The following ZNF555 variants were observed in gnomAD, a reference collection of about 807,000 sequenced individuals.
ZNF555 encodes the protein zinc finger protein 555.
In ZNF555, 10 loss-of-function variants were observed where a neutral mutation model predicts 14.0. The observed-to-expected ratio is 0.72, with a 90% CI of 0.44 to 1.21. ZNF555 has a LOEUF of 1.21. ZNF555 is among the 50% of genes most tolerant of loss of function. The pLI, the probability that ZNF555 is intolerant of heterozygous loss-of-function variation, is 0.00. For missense variants in ZNF555, 747 were observed against 762.0 expected, an observed-to-expected ratio of 0.98 and a Z score of 0.23; for synonymous variants, 277 against 262.4, an observed-to-expected ratio of 1.06 and a Z score of -0.54.
chr19:2,843,127 C>G (rs1415034982), intron 1 of ZNF555, among the ~76,000 whole-genome samples: 3 of 151,726 alleles, frequency 2.0e-5, no homozygotes, highest in African/African-American at 7.3e-5. Context: ...TAAACATTCC[C>G]TGGAGTGTGT....
In ZNF555 at chr19:2,857,425, T is replaced by C. The variant is rs1469248023; in HGVS notation, c.*3473T>C. The C allele has an allele frequency of 6.6e-6, 1 of 152,216 alleles. No individual in the cohort carries two copies. The highest frequency in any genetic ancestry group is 1.9e-4 in the East Asian group (1 of 5,206). 9.4% of individuals were successfully genotyped at this position (152,216 alleles called of 1,614,324 possible). On this transcript the variant is annotated 3_prime_UTR_variant, in exon 4 of 4. Transcript: ENST00000334241. ...AAGCAAGTATAATTAATTTTACAAA[T>C]AGGGCATCAAATTTTACAAAGACTC... is the stretch of plus-strand genomic sequence containing the variant.
At chr19:2,850,760 A>C in intron 2 of ZNF555, 47 bp downstream of exon 2, 7 of 1,607,648 alleles carry the variant, frequency 4.4e-6, no homozygotes, top group Non-Finnish European at 6.0e-6. Flanking sequence ...TGAGAGAACA[A>C]GTATTTCTTA....
At chr19:2,849,636 C>G (rs1461503841) in intron 1 of ZNF555, among the ~76,000 whole-genome samples, 2 of 151,622 alleles carry the variant, frequency 1.3e-5, no homozygotes, top group Non-Finnish European at 2.9e-5. Flanking sequence ...AGGCGTGCAC[C>G]ACCATGCCCG....
chr19:2,852,682 G>C lies in ZNF555; in HGVS notation c.617G>C (p.Gly206Ala). ...AGACCCTATGTGTGTAAATTATGTG[G>C]GAAAACCTTTCCTCGTACTTCCTCC... ...GERPYVCKLC[G>A]KTFPRTSSLN... Residue 206 changes from glycine (G) to alanine (A), a missense_variant, in exon 4 of 4, where the codon GGG becomes GCG. By Grantham distance (60) the Gly-to-Ala change is moderately conservative (BLOSUM62 0). Transcript: ENST00000334241. 1.2e-6 allele frequency: 2 copies of C among 1,614,130 alleles called. No homozygotes were observed. The highest frequency in any genetic ancestry group is 1.7e-6 in the Non-Finnish European group (2 of 1,180,020).
rs2087676954 is a variant in ZNF555, at chr19:2,855,611, C to T, written c.*1659C>T. On this transcript the variant is annotated 3_prime_UTR_variant, in exon 4 of 4. Coordinates refer to ENST00000334241, the MANE Select transcript of ZNF555 (RefSeq NM_152791.5). The stretch of plus-strand genomic sequence containing the variant: ...TGCTTTCAAATTAGTTGTTTAGAGA[C>T]TATATTAATTTCCCAGGGCTGCCAT... The T allele has an allele frequency of 6.6e-6, 1 of 152,076 alleles. No individual in the cohort carries two copies. Among genetic ancestry groups the T allele is most frequent in the Admixed American group, 6.6e-5 (1 of 15,256 alleles). 9.4% of individuals were successfully genotyped at this position (152,076 alleles called of 1,614,324 possible). A position where few individuals can be genotyped will look rare whatever the true frequency, so the allele number is the denominator to read the frequency against.
chr19:2,854,547 T>C lies in ZNF555; in HGVS notation c.*595T>C, dbSNP rs1300869879. The C allele has an allele frequency of 6.5e-6, 1 of 153,442 alleles. No individual in the cohort carries two copies. Among genetic ancestry groups the C allele is most frequent in the Non-Finnish European group, 1.5e-5 (1 of 68,868 alleles). 9.5% of individuals were successfully genotyped at this position (153,442 alleles called of 1,614,324 possible). A position where few individuals can be genotyped will look rare whatever the true frequency, so the allele number is the denominator to read the frequency against. On this transcript the variant is annotated 3_prime_UTR_variant, in exon 4 of 4. Coordinates refer to ENST00000334241, the MANE Select transcript of ZNF555 (RefSeq NM_152791.5). ...GGAATGCATTTCCTTTATGGTTCCA[T>C]GTCCAAATTTACCAATAGCAATAAC... is the stretch of plus-strand genomic sequence containing the variant.
At chr19:2,842,668 A>G (rs909039526) in intron 1 of ZNF555, among the ~76,000 whole-genome samples, 13 of 152,170 alleles carry the variant, frequency 8.5e-5, no homozygotes, top group African/African-American at 2.9e-4. Context: ...TGGGTTTGTC[A>G]CTGTGAAAAG....
At chr19:2,850,745 G>C in intron 2 of ZNF555, 32 bp downstream of exon 2, 1 of 1,610,210 alleles carries the variant, frequency 6.2e-7, no homozygotes, top group Non-Finnish European at 8.5e-7. Context: ...CCTTCACGTA[G>C]TTATTGAGAG....
rs2087665009 is a variant in ZNF555, at chr19:2,854,200, T to G, written c.*248T>G. On this transcript the variant is annotated 3_prime_UTR_variant, in exon 4 of 4. Transcript: ENST00000334241. ...TTAATTTCTTAAATTGTAACTGACT[T>G]AGTGTGACAGGTATTGGATATTACG... 2.0e-6 allele frequency: 1 copy of G among 491,964 alleles called. No homozygotes were observed. Among genetic ancestry groups the G allele is most frequent in the South Asian group, 2.4e-5 (1 of 41,486 alleles). 30.5% of individuals were successfully genotyped at this position (491,964 alleles called of 1,614,324 possible). A position where few individuals can be genotyped will look rare whatever the true frequency, so the allele number is the denominator to read the frequency against.
At chr19:2,843,587 A>G (rs954510611) in intron 1 of ZNF555, among the ~76,000 whole-genome samples, 37 of 152,202 alleles carry the variant, frequency 2.4e-4, no homozygotes, top group African/African-American at 8.2e-4. Flanking sequence ...AAATTATACA[A>G]ATTTACCAAA....
In ZNF555 at chr19:2,854,216, G is replaced by A. The variant is rs926304392; in HGVS notation, c.*264G>A. On this transcript the variant is annotated 3_prime_UTR_variant, in exon 4 of 4. Coordinates refer to ENST00000334241, the MANE Select transcript of ZNF555 (RefSeq NM_152791.5). ...TAACTGACTTAGTGTGACAGGTATTGGATATTACGTATCTATTATATTTTC... is the reference window on the plus strand; with the variant it reads ...TAACTGACTTAGTGTGACAGGTATTAGATATTACGTATCTATTATATTTTC... 2.3e-6 allele frequency: 1 copy of A among 429,222 alleles called. No homozygotes were observed. 26.6% of individuals were successfully genotyped at this position (429,222 alleles called of 1,614,324 possible).
At chr19:2,848,028 T>C (rs2087596359) in intron 1 of ZNF555, among the ~76,000 whole-genome samples, 1 of 152,152 alleles carries the variant, frequency 6.6e-6, no homozygotes, top group Admixed American at 6.5e-5. Flanking sequence ...TTAACTTTCT[T>C]TTCCCTCCCA....
rs1004361203 is a variant in ZNF555, at chr19:2,854,325, A to T, written c.*373A>T. On this transcript the variant is annotated 3_prime_UTR_variant, in exon 4 of 4. Coordinates refer to ENST00000334241, the MANE Select transcript of ZNF555 (RefSeq NM_152791.5). ...TAAGAAGTAGTTGGCAGAATTTTGT[A>T]ATTATGCAAAGTTGTTTAAGGAGTA... 2 of 217,290 alleles carry T rather than the reference A, an allele frequency of 9.2e-6. No homozygotes were observed. Among genetic ancestry groups the T allele is most frequent in the African/African-American group, 4.7e-5 (2 of 42,110 alleles). The allele number at this position is 217,290 out of a possible 1,614,324, so 13.5% of individuals were successfully genotyped here. A position where few individuals can be genotyped will look rare whatever the true frequency, so the allele number is the denominator to read the frequency against.
intron 1 of ZNF555, among the ~76,000 whole-genome samples, chr19:2,845,582 T>A (rs2087575627): frequency 6.6e-6 from 1 of 152,230 alleles, no homozygotes; most frequent in South Asian, 2.1e-4. Flanking sequence ...CCTCCAACCA[T>A]GTGTAAGCAT....
Position 2,853,473 on chromosome 19 carries a change from CAT to C in ZNF555, c.1409_1410del (p.His470ArgfsTer6), listed in dbSNP as rs749239383. The C allele has an allele frequency of 1.1e-5, 17 of 1,614,040 alleles. No homozygotes were observed. The highest frequency in any genetic ancestry group is 9.9e-5 in the South Asian group (9 of 91,088). On this transcript the variant is annotated frameshift_variant, in exon 4 of 4. Transcript: ENST00000334241. LOFTEE classifies it low-confidence loss of function (END_TRUNC). ...AFSLSACFRE[H>X]VRMHPEDKSY... ...CAGCTTGTCTGCTTGCTTTCGAGAA[CAT>C]GTGAGAATGCACCCTGAAGACAAAT...
chr19:2,846,859 A>G (rs540697555), intron 1 of ZNF555, among the ~76,000 whole-genome samples: 1 of 152,228 alleles, frequency 6.6e-6, no homozygotes, highest in Admixed American at 6.5e-5. Flanking sequence ...TGAGGTTGTC[A>G]GAAATAGGTT....
intron 1 of ZNF555, among the ~76,000 whole-genome samples, chr19:2,848,213 G>A (rs947743434): frequency 2.0e-5 from 3 of 150,674 alleles, no homozygotes; most frequent in Admixed American, 6.6e-5. Context: ...GTGCAGTGGC[G>A]CCATCTCTGC....
intron 1 of ZNF555, among the ~76,000 whole-genome samples, chr19:2,847,029 A>G (rs2087587353): frequency 6.6e-6 from 1 of 152,174 alleles, no homozygotes; most frequent in Non-Finnish European, 1.5e-5. Context: ...TAATCTTAAT[A>G]CTTAGAGTTT....
At chr19:2,842,307 A>G (rs2087544449) in intron 1 of ZNF555, among the ~76,000 whole-genome samples, 1 of 152,206 alleles carries the variant, frequency 6.6e-6, no homozygotes, top group African/African-American at 2.4e-5. Flanking sequence ...GGGAAAAAAA[A>G]CAAGGGTTCC....
Sources: allele counts gnomAD v4.1 joint callset (sites outside exome capture counted in the v4.1 genomes callset), GRCh38; gene constraint gnomAD v4.1.1; transcripts MANE v1.5; gene names NCBI Gene and HGNC (gene_info 2026-07-23, HGNC 2026-07-21).